Variants in RUFY2 observed in about 807,000 individuals in gnomAD.
RUFY2 encodes RUN and FYVE domain containing 2.
A neutral mutation model predicts 94.4 loss-of-function variants in RUFY2; 49 were observed. The ratio of observed to expected loss-of-function variants is 0.52; its 90% CI spans 0.41 to 0.66. The LOEUF (loss-of-function observed/expected upper bound fraction) is 0.66. RUFY2 is among the 30% of genes least tolerant of loss of function. The probability of loss-of-function intolerance (pLI) is 0.00; values close to 1 mark genes in which losing one functional copy is unlikely to be tolerated. For synonymous variants in RUFY2, 255 were observed against 235.7 expected, an observed-to-expected ratio of 1.08 and a Z score of -0.75; for missense variants, 541 against 692.8, an observed-to-expected ratio of 0.78 and a Z score of 2.46.
chr10:68,358,652 T>C (rs2047219266), intron 15 of RUFY2, among the ~76,000 whole-genome samples: 3 of 152,204 alleles, frequency 2.0e-5, no homozygotes, highest in Non-Finnish European at 4.4e-5. Flanking sequence ...GGCTCACACC[T>C]GTAATTCCAG....
downstream of RUFY2, chr10:68,342,904 G>A (rs2046048083): frequency 2.0e-5 from 3 of 152,204 alleles, no homozygotes; most frequent in African/African-American, 7.2e-5. Context: ...TTAAATAACT[G>A]TATAAATGAT....
chr10:68,380,478 ACT>A (rs1422370296), intron 11 of RUFY2, among the ~76,000 whole-genome samples: 11 of 152,166 alleles, frequency 7.2e-5, no homozygotes, highest in African/African-American at 2.6e-4. Flanking sequence ...GACAGAATAC[ACT>A]CTTGTAAAAT....
chr10:68,364,206 A>G, intron 13 of RUFY2, 93 bp from the exon 14 acceptor site: 1 of 1,269,126 alleles, frequency 7.9e-7, no homozygotes, highest in Non-Finnish European at 1.1e-6. Flanking sequence ...TTGGTTTATT[A>G]CTTTGGCCTT....
rs774752839 is a variant in RUFY2 at position 68,345,718 on chromosome 10, A to G, written c.*50T>C. The G allele has an allele frequency of 1.8e-5, 28 of 1,553,180 alleles. 1 individual carries two copies. The Middle Eastern group carries it at 1.9e-3, about 104-fold the overall frequency. ...TCTGGTTACCTTTGTATACAACATC[A>G]TAACATTCATTGTAGGTAATTTCAT... is the stretch of plus-strand genomic sequence containing the variant. On this transcript the variant is annotated 3_prime_UTR_variant, in exon 18 of 18. Coordinates refer to ENST00000602465, the MANE Select transcript of RUFY2 (RefSeq NM_001330103.2).
intron 7 of RUFY2, among the ~76,000 whole-genome samples, chr10:68,392,507 G>GC (rs1416576152): frequency 1.3e-5 from 2 of 152,126 alleles, no homozygotes; most frequent in Non-Finnish European, 2.9e-5. Flanking sequence ...GCCCTTTGAA[G>GC]TAGGAAAAAT....
In RUFY2 at chr10:68,376,838, G is replaced by A. The variant is rs373845620; in HGVS notation, c.1325+15C>T. 60 of 1,611,008 alleles carry A rather than the reference G, an allele frequency of 3.7e-5. No homozygotes were observed. The highest frequency in any genetic ancestry group is 1.7e-5 in the Admixed American group (1 of 59,802). ...TGTTAACACAAGTATTTGTTTCTGA[G>A]AGTGAAATACTCACAGCTGTTTCTC... On this transcript the variant is annotated intron_variant, in intron 13 of 17. Coordinates refer to ENST00000602465, the MANE Select transcript of RUFY2 (RefSeq NM_001330103.2).
downstream of RUFY2, chr10:68,341,961 A>T (rs1283110267): frequency 3.7e-6 from 6 of 1,612,720 alleles, no homozygotes; most frequent in Non-Finnish European, 4.2e-6. Context: ...AGTGATTCTT[A>T]ATATCTTTTT....
chr10:68,405,327 A>AAAT, intron 1 of RUFY2: 2 of 304,132 alleles, frequency 6.6e-6, no homozygotes, highest in Non-Finnish European at 9.6e-6. Flanking sequence ...AAAAAAAAAA[A>AAAT]GAAAAAGAAA....
chr10:68,369,136 T>A (rs549128792), intron 13 of RUFY2, among the ~76,000 whole-genome samples: 27 of 152,326 alleles, frequency 1.8e-4, no homozygotes, highest in African/African-American at 5.8e-4. Context: ...ATGGTTTGAA[T>A]GTTTGTCCTC....
downstream of RUFY2, chr10:68,343,308 A>G (rs1167099100): frequency 6.6e-6 from 1 of 152,252 alleles, no homozygotes; most frequent in Non-Finnish European, 1.5e-5. Context: ...GGGGCAGCCT[A>G]TATATGTGGA....
chr10:68,394,123 T>C lies in RUFY2; in HGVS notation c.536A>G (p.Asp179Gly). 1 of 1,500,782 alleles carries C rather than the reference T, an allele frequency of 6.7e-7. No homozygotes were observed. The highest frequency in any genetic ancestry group is 8.9e-7 in the Non-Finnish European group (1 of 1,118,828). 93.0% of individuals were successfully genotyped at this position (1,500,782 alleles called of 1,614,324 possible). A position where few individuals can be genotyped will look rare whatever the true frequency, so the allele number is the denominator to read the frequency against. The change falls in exon 6 of 18, where the codon GAT becomes GGT. Residue 179 changes from aspartate to glycine, a missense_variant. Asp to Gly is a moderately conservative substitution (Grantham distance 94). Coordinates refer to ENST00000602465, the MANE Select transcript of RUFY2 (RefSeq NM_001330103.2). ...TTCATTCTTTAAATACATAGAAAAA[T>C]CAATCACTCCAACCTGAAGTAAATA... ...EDLDSQVGVI[D>G]FSMYLKNEED...
At chr10:68,343,123 AT>A (rs2046064564), downstream of RUFY2, 1 of 152,224 alleles carries the variant, frequency 6.6e-6, no homozygotes, top group African/African-American at 2.4e-5. Context: ...GTTGATGTGA[AT>A]TCAGTTATTG....
chr10:68,361,480 T>C (rs1057258529), intron 15 of RUFY2, among the ~76,000 whole-genome samples: 1 of 152,162 alleles, frequency 6.6e-6, no homozygotes, highest in African/African-American at 2.4e-5. Context: ...TCAATAAGTG[T>C]CTGTCAAGAA....
Position 68,345,517 on chromosome 10 carries a change from G to T in RUFY2, c.*251C>A. The T allele has an allele frequency of 2.2e-6, 1 of 449,072 alleles. No individual in the cohort carries two copies. The highest frequency in any genetic ancestry group is 3.9e-6 in the Non-Finnish European group (1 of 256,408). 27.8% of individuals were successfully genotyped at this position (449,072 alleles called of 1,614,324 possible). ...GCCTTTACAAGATAAGGCAAGTTGTGTTAGCTCTGCTCTCTGGCCTTTTAA... is the reference window on the plus strand; with the variant it reads ...GCCTTTACAAGATAAGGCAAGTTGTTTTAGCTCTGCTCTCTGGCCTTTTAA... On this transcript the variant is annotated 3_prime_UTR_variant, in exon 18 of 18. Transcript: ENST00000602465.
chr10:68,367,593 T>A (rs1056174863), intron 13 of RUFY2, among the ~76,000 whole-genome samples: 2 of 152,174 alleles, frequency 1.3e-5, no homozygotes, highest in Non-Finnish European at 2.9e-5. Context: ...CAGCTGGGGC[T>A]ACAGGTGTGT....
At chr10:68,402,724 CAA>C (rs34726850) in intron 2 of RUFY2, among the ~76,000 whole-genome samples, 1 of 136,256 alleles carries the variant, frequency 7.3e-6, no homozygotes, top group Admixed American at 7.5e-5. Context: ...ACCCCCATCT[CAA>C]AAAAAAAAAG....
At chr10:68,398,092 A>G (rs2133149259) in intron 3 of RUFY2, among the ~76,000 whole-genome samples, 1 of 143,642 alleles carries the variant, frequency 7.0e-6, no homozygotes, top group Non-Finnish European at 1.5e-5. Context: ...GCACCATCGC[A>G]CTCCAGCCTG....
chr10:68,366,949 C>A lies in RUFY2; in HGVS notation c.1326-2836G>T, dbSNP rs370589825. ...CTTTCAGAGGCCGAGGCGTGCAGAT[C>A]ACAAGGTCAGGAATTCGAGACCAGC... On this transcript the variant is annotated intron_variant, in intron 13 of 17. Transcript: ENST00000602465. Among the ~76,000 whole-genome samples, 202 of 148,934 alleles carry A rather than the reference C, an allele frequency of 1.4e-3. 2 individuals carry two copies. In the Middle Eastern group the frequency reaches 0.014, roughly 10 times the overall value.
At chr10:68,404,926 AAACC>A in intron 1 of RUFY2, 82 bp from the exon 2 acceptor site, 1 of 1,156,250 alleles carries the variant, frequency 8.6e-7, no homozygotes. Context: ...TCCCCTATAA[AAACC>A]AACAGTAGTT....
Sources: allele counts gnomAD v4.1 joint callset (sites outside exome capture counted in the v4.1 genomes callset), GRCh38; gene constraint gnomAD v4.1.1; transcripts MANE v1.5; gene names NCBI Gene and HGNC (gene_info 2026-07-23, HGNC 2026-07-21).